GMDS: variants seen among roughly 807,000 people sequenced by gnomAD.
GMDS encodes GDP-mannose 4,6-dehydratase.
GMDS carries 20 observed loss-of-function variants against 49.9 expected under a neutral mutation model. The ratio of observed to expected loss-of-function variants is 0.40; its 90% CI spans 0.28 to 0.58. The LOEUF (loss-of-function observed/expected upper bound fraction) is 0.58. Among genes scored for constraint, GMDS ranks in the 20% least tolerant of loss-of-function variants. GMDS has a pLI of 0.42. For synonymous variants in GMDS, 177 were observed against 178.6 expected, an observed-to-expected ratio of 0.99 and a Z score of 0.07; for missense variants, 362 against 481.4, an observed-to-expected ratio of 0.75 and a Z score of 2.32.
chr6:1,927,420 T>C (rs561791619), intron 7 of GMDS, among the ~76,000 whole-genome samples: 55 of 152,324 alleles, frequency 3.6e-4, no homozygotes, highest in African/African-American at 1.2e-3. Context: ...TTGCTGTGTT[T>C]TTACTCAGAG....
At chr6:1,654,178 T>C (rs945605922) in intron 9 of GMDS, among the ~76,000 whole-genome samples, 2 of 152,192 alleles carry the variant, frequency 1.3e-5, no homozygotes, top group Admixed American at 1.3e-4. Context: ...AACTCTGCAG[T>C]CGTAATGGAA....
intron 1 of GMDS, among the ~76,000 whole-genome samples, chr6:2,164,159 T>C (rs1344684430): frequency 6.6e-6 from 1 of 152,232 alleles, no homozygotes; most frequent in African/African-American, 2.4e-5. Flanking sequence ...CAACATTAAA[T>C]GCAGAATCTT....
intron 1 of GMDS, among the ~76,000 whole-genome samples, chr6:2,145,674 TGCC>T (rs1317489195): frequency 7.2e-5 from 11 of 151,934 alleles, no homozygotes; most frequent in African/African-American, 2.4e-4. Context: ...AAAACAGCAA[TGCC>T]ACATTTAAAA....
intron 9 of GMDS, among the ~76,000 whole-genome samples, chr6:1,639,333 G>A (rs873708): frequency 0.1 from 15,858 of 152,338 alleles, 1,072 homozygotes; most frequent in Non-Finnish European, 0.15. Context: ...GGCCAGTGAA[G>A]TGAGGGCTCT....
At chr6:1,910,694 G>A (rs952447316) in intron 7 of GMDS, among the ~76,000 whole-genome samples, 23 of 152,154 alleles carry the variant, frequency 1.5e-4, no homozygotes, top group African/African-American at 5.3e-4. Context: ...TGATTCTGGC[G>A]TGCAGTCACC....
chr6:2,031,735 G>C (rs373214648), intron 4 of GMDS, among the ~76,000 whole-genome samples: 1 of 152,200 alleles, frequency 6.6e-6, no homozygotes, highest in African/African-American at 2.4e-5. Flanking sequence ...CTGCCCCAGA[G>C]GCCAGGCAGC....
At chr6:1,661,828 G>A (rs1177299684) in intron 9 of GMDS, among the ~76,000 whole-genome samples, 3 of 152,342 alleles carry the variant, frequency 2.0e-5, no homozygotes, top group South Asian at 2.1e-4. Context: ...CTGCTGAGGC[G>A]GACTAGGCAG....
chr6:2,098,320 A>C (rs537499852), intron 4 of GMDS, among the ~76,000 whole-genome samples: 1 of 152,358 alleles, frequency 6.6e-6, no homozygotes, highest in South Asian at 2.1e-4. Context: ...AGCTTCCCAA[A>C]GTGCTGGGAT....
At chr6:1,922,052 C>A (rs1386151080) in intron 7 of GMDS, among the ~76,000 whole-genome samples, 3 of 152,128 alleles carry the variant, frequency 2.0e-5, no homozygotes, top group Non-Finnish European at 4.4e-5. Flanking sequence ...AATTAGACTC[C>A]CACAGTGAGT....
chr6:1,976,657 G>C (rs1764920383), intron 4 of GMDS, among the ~76,000 whole-genome samples: 2 of 139,124 alleles, frequency 1.4e-5, no homozygotes, highest in Non-Finnish European at 3.2e-5. Context: ...TACTATAAGA[G>C]GAAAAAATTA....
intron 4 of GMDS, among the ~76,000 whole-genome samples, chr6:2,065,881 G>A (rs1490191833): frequency 6.6e-6 from 1 of 152,186 alleles, no homozygotes; most frequent in Non-Finnish European, 1.5e-5. Flanking sequence ...CCCCAATCTA[G>A]CAAGGCAGGC....
At chr6:1,632,665 C>T (rs1763031938) in intron 9 of GMDS, among the ~76,000 whole-genome samples, 1 of 152,124 alleles carries the variant, frequency 6.6e-6, no homozygotes, top group Admixed American at 6.5e-5. Context: ...CTGCTTGAGG[C>T]CAGAAGTTTG....
intron 1 of GMDS, among the ~76,000 whole-genome samples, chr6:2,199,695 C>T (rs1779420682): frequency 6.6e-6 from 1 of 152,176 alleles, no homozygotes; most frequent in African/African-American, 2.4e-5. Context: ...AATCTCTATT[C>T]CTAAGATGAT....
chr6:1,723,639 C>T (rs1766471281), intron 9 of GMDS, among the ~76,000 whole-genome samples: 1 of 148,976 alleles, frequency 6.7e-6, no homozygotes, highest in Non-Finnish European at 1.5e-5. Flanking sequence ...TCTAAGAAGA[C>T]ATAGTTATTG....
At chr6:1,941,007 C>T (rs1762797909) in intron 6 of GMDS, among the ~76,000 whole-genome samples, 1 of 152,108 alleles carries the variant, frequency 6.6e-6, no homozygotes, top group African/African-American at 2.4e-5. Flanking sequence ...ACAAAACTGC[C>T]CTGGTTGAGA....
intron 9 of GMDS, among the ~76,000 whole-genome samples, chr6:1,685,484 G>GTT (rs959799014): frequency 3.3e-5 from 5 of 151,200 alleles, no homozygotes; most frequent in Non-Finnish European, 7.4e-5. Flanking sequence ...TTTAGTAAGG[G>GTT]TTTTTTTTTA....
chr6:2,146,052 T>G (rs2127533077), intron 1 of GMDS, among the ~76,000 whole-genome samples: 1 of 152,306 alleles, frequency 6.6e-6, no homozygotes, highest in South Asian at 2.1e-4. Flanking sequence ...ACATGAAAGA[T>G]CCTGAGTTTT....
intron 4 of GMDS, among the ~76,000 whole-genome samples, chr6:1,991,983 A>G (rs757512584): frequency 1.2e-4 from 19 of 152,194 alleles, no homozygotes; most frequent in Admixed American, 2.0e-4. Context: ...AAATCCCTAG[A>G]TGCGAGGAAG....
At chr6:1,683,953 T>C (rs902224118) in intron 9 of GMDS, among the ~76,000 whole-genome samples, 1 of 149,292 alleles carries the variant, frequency 6.7e-6, no homozygotes, top group Admixed American at 6.7e-5. Context: ...GCTATGAGGG[T>C]GGGGTTTGCC....
Sources: allele counts gnomAD v4.1 joint callset (sites outside exome capture counted in the v4.1 genomes callset), GRCh38; gene constraint gnomAD v4.1.1; transcripts MANE v1.5; gene names NCBI Gene and HGNC (gene_info 2026-07-23, HGNC 2026-07-21).